The following CTNNA1 variants were observed in gnomAD, a reference collection of about 807,000 sequenced individuals.
The protein encoded by CTNNA1 is catenin alpha-1.
In CTNNA1, 37 loss-of-function variants were observed where a neutral mutation model predicts 98.4. The observed-to-expected ratio is 0.38, with a 90% CI of 0.29 to 0.49. CTNNA1 has a LOEUF of 0.49. Ranked by LOEUF, CTNNA1 falls within the 20% of genes least tolerant of loss-of-function variation. The pLI, the probability that CTNNA1 is intolerant of heterozygous loss-of-function variation, is 0.95. For synonymous variants in CTNNA1, 404 were observed against 413.2 expected, an observed-to-expected ratio of 0.98 and a Z score of 0.27; for missense variants, 761 against 1,147.2, an observed-to-expected ratio of 0.66 and a Z score of 4.86.
chr5:138,925,174 G>C, intron 12 of CTNNA1, 82 bp from the exon 13 acceptor site: 1 of 1,491,390 alleles, frequency 6.7e-7, no homozygotes, highest in South Asian at 1.3e-5. Context: ...ACCTCTTTCT[G>C]TCTAGCTGAG....
At chr5:138,841,837 C>T (rs1202477393) in intron 7 of CTNNA1, among the ~76,000 whole-genome samples, 2 of 152,156 alleles carry the variant, frequency 1.3e-5, no homozygotes, top group African/African-American at 4.8e-5. Context: ...AATAATCTAC[C>T]AAGTTGAATA....
chr5:138,789,403 C>T (rs983329132), intron 3 of CTNNA1, among the ~76,000 whole-genome samples: 3 of 152,096 alleles, frequency 2.0e-5, no homozygotes, highest in Admixed American at 6.6e-5. Context: ...ACAGTGAGGT[C>T]CCTGGCTGGA....
intron 8 of CTNNA1, among the ~76,000 whole-genome samples, chr5:138,887,054 A>T (rs1019140374): frequency 5.9e-5 from 9 of 152,256 alleles, no homozygotes; most frequent in African/African-American, 1.9e-4. Context: ...TAAGGTTCAT[A>T]GTGTGTGAAT....
chr5:138,858,749 C>T (rs745664434), intron 7 of CTNNA1, among the ~76,000 whole-genome samples: 1 of 152,084 alleles, frequency 6.6e-6, no homozygotes, highest in Non-Finnish European at 1.5e-5. Flanking sequence ...GCACCTGCCA[C>T]CACGCCCAGC....
intron 9 of CTNNA1, among the ~76,000 whole-genome samples, chr5:138,903,558 A>G (rs1270548641): frequency 6.6e-6 from 1 of 152,220 alleles, no homozygotes; most frequent in East Asian, 1.9e-4. Flanking sequence ...ACTACGCAGT[A>G]ACATTCCAGA....
At position 138,763,829 on chromosome 5, in the gene CTNNA1, C is replaced by T. The variant is rs1411425543; in HGVS notation, c.-3+10319C>T. 4.6e-5 allele frequency among the ~76,000 whole-genome samples: 7 copies of T among 152,162 alleles called. No homozygotes were observed. In the East Asian group the frequency reaches 5.8e-4, roughly 13 times the overall value. ...GGATTCATTTGTTGTCATTCTCTTG[C>T]GTCTGTGGACCTGGGTTATCATATT... is the stretch of plus-strand genomic sequence containing the variant. On this transcript the variant is annotated intron_variant, in intron 1 of 17. Transcript: ENST00000302763.
chr5:138,908,318 C>T (rs999054460), intron 10 of CTNNA1, among the ~76,000 whole-genome samples: 9 of 152,122 alleles, frequency 5.9e-5, no homozygotes, highest in African/African-American at 2.2e-4. Context: ...TAGGAAAATC[C>T]ATTCTACAGT....
intron 7 of CTNNA1, among the ~76,000 whole-genome samples, chr5:138,852,861 G>GCGCGCGCGCGCGCGCACACACACA (rs1763345316): frequency 1.4e-5 from 2 of 146,074 alleles, no homozygotes. Flanking sequence ...CCCTCTTTTC[G>GCGCGCGCGCGCGCGCACACACACA]CGCGCGCGCG....
At chr5:138,771,009 C>T (rs1287334140) in intron 1 of CTNNA1, among the ~76,000 whole-genome samples, 1 of 152,052 alleles carries the variant, frequency 6.6e-6, no homozygotes, top group East Asian at 1.9e-4. Context: ...TCTAAGGACC[C>T]TACTTAATTC....
intron 5 of CTNNA1, among the ~76,000 whole-genome samples, chr5:138,821,766 G>A (rs1365230390): frequency 1.3e-5 from 2 of 152,158 alleles, no homozygotes; most frequent in African/African-American, 4.8e-5. Context: ...CACTGGGTTG[G>A]TGAAGTTGGG....
intron 7 of CTNNA1, among the ~76,000 whole-genome samples, chr5:138,868,314 A>G (rs936506973): frequency 4.6e-5 from 7 of 152,192 alleles, no homozygotes; most frequent in African/African-American, 1.4e-4. Flanking sequence ...GTGTTGTTCA[A>G]GGGTCAATTG....
intron 7 of CTNNA1, among the ~76,000 whole-genome samples, chr5:138,841,668 T>C (rs1762282474): frequency 6.6e-6 from 1 of 152,252 alleles, no homozygotes; most frequent in South Asian, 2.1e-4. Flanking sequence ...TGTCATAATT[T>C]GGAAACATAA....
intron 5 of CTNNA1, among the ~76,000 whole-genome samples, chr5:138,814,592 TAA>T (rs1272533157): frequency 2.0e-5 from 3 of 152,214 alleles, no homozygotes; most frequent in Non-Finnish European, 2.9e-5. Context: ...AAGTAAATAT[TAA>T]GTTATATTTA....
intron 5 of CTNNA1, among the ~76,000 whole-genome samples, chr5:138,817,268 A>C (rs1319751007): frequency 6.6e-6 from 1 of 152,118 alleles, no homozygotes; most frequent in East Asian, 1.9e-4. Flanking sequence ...CGTTATTCTA[A>C]TGGGAATTCC....
chr5:138,785,350 C>G (rs966480249), intron 3 of CTNNA1, among the ~76,000 whole-genome samples: 8 of 151,962 alleles, frequency 5.3e-5, no homozygotes, highest in Admixed American at 2.0e-4. Flanking sequence ...CGTGAGCCAT[C>G]GCGCCCGGCC....
At chr5:138,868,433 G>A (rs1765003571) in intron 7 of CTNNA1, among the ~76,000 whole-genome samples, 1 of 152,144 alleles carries the variant, frequency 6.6e-6, no homozygotes, top group Non-Finnish European at 1.5e-5. Flanking sequence ...AGCACCTGTG[G>A]GACCTCCCTC....
At position 138,904,453 on chromosome 5, in the gene CTNNA1, C is replaced by T; in HGVS notation, c.1389+12C>T. 1 of 1,611,376 alleles carries T rather than the reference C, an allele frequency of 6.2e-7. No homozygotes were observed. Among genetic ancestry groups the T allele is most frequent in the Non-Finnish European group, 8.5e-7 (1 of 1,178,726 alleles). On this transcript the variant is annotated intron_variant, in intron 10 of 17. Transcript: ENST00000302763. ...CCCTCTGTCCTCAGGTAAAGTACAACTGACACTGGTGACAGCATAACCAAA... is the reference window on the plus strand; with the variant it reads ...CCCTCTGTCCTCAGGTAAAGTACAATTGACACTGGTGACAGCATAACCAAA...
chr5:138,825,891 C>T (rs1305904884), intron 6 of CTNNA1, among the ~76,000 whole-genome samples: 1 of 151,988 alleles, frequency 6.6e-6, no homozygotes, highest in Admixed American at 6.6e-5. Flanking sequence ...TTGTTTTTCC[C>T]CCCTTCAAAA....
chr5:138,869,436 A>C (rs1412389511), intron 7 of CTNNA1: 3 of 151,564 alleles, frequency 2.0e-5, no homozygotes, highest in Non-Finnish European at 2.9e-5. Context: ...GTATGCCCCC[A>C]AACAGACTTT....
Sources: allele counts gnomAD v4.1 joint callset (sites outside exome capture counted in the v4.1 genomes callset), GRCh38; gene constraint gnomAD v4.1.1; transcripts MANE v1.5; gene names NCBI Gene and HGNC (gene_info 2026-07-23, HGNC 2026-07-21).